DCP1A: variants seen among roughly 807,000 people sequenced by gnomAD.
DCP1A encodes the protein decapping mRNA 1A, also known as mRNA-decapping enzyme 1A.
In DCP1A, 20 loss-of-function variants were observed where a neutral mutation model predicts 58.0. The observed-to-expected ratio is 0.34, with a 90% CI of 0.24 to 0.50. The LOEUF is 0.50. Ranked by LOEUF, DCP1A falls within the 20% of genes least tolerant of loss-of-function variation. DCP1A has a pLI of 0.98. For synonymous variants in DCP1A, 285 were observed against 275.1 expected (o/e 1.04, Z -0.36); for missense variants, 613 against 712.2 (o/e 0.86, Z 1.59).
In DCP1A at chr3:53,292,505, G is replaced by A. The variant is rs782478458; in HGVS notation, c.947C>T (p.Pro316Leu). Residue 316 changes from proline to leucine, a missense_variant, in exon 7 of 10, where the codon CCT becomes CTT. Pro to Leu is a moderately conservative substitution (Grantham distance 98). This residue lies in a region of DCP1A where 498 missense variants were observed against 556.7 expected (regional missense o/e 0.89). Coordinates refer to ENST00000610213, the MANE Select transcript of DCP1A (RefSeq NM_018403.7). The part of the protein sequence containing the change: ...HAPTYTIPLS[P>L]VLSPTLPAEA... ...AGCTGGCAGAGTGGGACTGAGAACA[G>A]GGCTCAACGGGATTGTGTAGGTTGG... 1 of 1,613,894 alleles carries A rather than the reference G, an allele frequency of 6.2e-7. No homozygotes were observed. The highest frequency in any genetic ancestry group is 1.3e-5 in the African/African-American group (1 of 74,928).
intron 6 of DCP1A, among the ~76,000 whole-genome samples, chr3:53,294,605 AT>A (rs1707052293): frequency 6.6e-6 from 1 of 152,232 alleles, no homozygotes; most frequent in South Asian, 2.1e-4. Context: ...GAGCAAAGGC[AT>A]CCCCTCAGGA....
At chr3:53,343,040 A>T (rs948141518) in intron 2 of DCP1A, among the ~76,000 whole-genome samples, 8 of 152,356 alleles carry the variant, frequency 5.3e-5, no homozygotes, top group African/African-American at 1.7e-4. Context: ...CTTGGTTCCC[A>T]TATCAGAGGG....
intron 4 of DCP1A, among the ~76,000 whole-genome samples, chr3:53,317,223 T>TGGCGCGATCTTGGCTC (rs1465872860): frequency 6.6e-6 from 1 of 152,128 alleles, no homozygotes; most frequent in Non-Finnish European, 1.5e-5. Flanking sequence ...TGGAATGCAA[T>TGGCGCGATCTTGGCTC]GGCGCGATCT....
chr3:53,316,416 C>G (rs1187464858), intron 4 of DCP1A, among the ~76,000 whole-genome samples: 1 of 151,958 alleles, frequency 6.6e-6, no homozygotes, highest in Non-Finnish European at 1.5e-5. Flanking sequence ...AACAGTTTCA[C>G]CAGGGTATTC....
chr3:53,346,278 G>A (rs994275151), intron 1 of DCP1A, among the ~76,000 whole-genome samples: 1 of 152,136 alleles, frequency 6.6e-6, no homozygotes, highest in Admixed American at 6.5e-5. Flanking sequence ...AGGAGGCAAA[G>A]ATAAACAACG....
At chr3:53,347,278 C>T (rs1553693242) in intron 1 of DCP1A, 105 bp downstream of exon 1, 5 of 1,327,974 alleles carry the variant, frequency 3.8e-6, no homozygotes, top group East Asian at 5.9e-5. Context: ...TCGTCTCCAC[C>T]GCCCTGGCCT....
intron 3 of DCP1A, among the ~76,000 whole-genome samples, chr3:53,324,299 GCT>G (rs1708051746): frequency 6.6e-6 from 1 of 152,190 alleles, no homozygotes; most frequent in Non-Finnish European, 1.5e-5. Context: ...CCAAGAATCA[GCT>G]CTGTCTGCCA....
Position 53,292,125 on chromosome 3 carries a change from C to G in DCP1A, c.1327G>C (p.Ala443Pro). 6.2e-7 allele frequency: 1 copy of G among 1,613,910 alleles called. No homozygotes were observed. The highest frequency in any genetic ancestry group is 8.5e-7 in the Non-Finnish European group (1 of 1,179,888). Residue 443 changes from alanine (A) to proline (P), a missense_variant, in exon 7 of 10, where the codon GCA (alanine) becomes CCA (proline). Around this residue, in one of 3 missense-constraint regions of DCP1A, gnomAD observed 498 missense variants for 556.7 expected, o/e 0.89. Transcript: ENST00000610213. ...SFIEPPSKTA[A>P]ARVAASASLS... ...GAGGCTGAGGCCGCCACTCTTGCTGCTGCTGTCTTAGAGGGAGGCTCTATG... is the reference window on the plus strand; with the variant it reads ...GAGGCTGAGGCCGCCACTCTTGCTGGTGCTGTCTTAGAGGGAGGCTCTATG...
intron 6 of DCP1A, among the ~76,000 whole-genome samples, chr3:53,294,853 A>G (rs7643417): frequency 0.41 from 63,009 of 152,080 alleles, 13,443 homozygotes; most frequent in South Asian, 0.48. Context: ...TGGAAAGCGA[A>G]TTTGCCAAGG....
In DCP1A at chr3:53,285,942, TA is replaced by T. The variant is rs1266643651; in HGVS notation, c.*1637del. 6 of 152,212 alleles carry T rather than the reference TA, an allele frequency of 3.9e-5. No homozygotes were observed. Among genetic ancestry groups the T allele is most frequent in the Non-Finnish European group, 8.8e-5 (6 of 68,034 alleles). The allele number at this position is 152,212 out of a possible 1,614,324, so 9.4% of individuals were successfully genotyped here. The stretch of plus-strand genomic sequence containing the variant: ...ATTCACAATTGAGCATGAAAACTTA[TA>T]AGCTTCCCTGAATTCTGCACAATTC... On this transcript the variant is annotated 3_prime_UTR_variant, in exon 10 of 10. Coordinates refer to ENST00000610213, the MANE Select transcript of DCP1A (RefSeq NM_018403.7).
chr3:53,304,244 C>T lies in DCP1A; in HGVS notation c.557G>A (p.Ser186Asn), dbSNP rs1707398147. 2 of 1,613,644 alleles carry T rather than the reference C, an allele frequency of 1.2e-6. No individual in the cohort carries two copies. Among genetic ancestry groups the T allele is most frequent in the African/African-American group, 2.7e-5 (2 of 74,868 alleles). Residue 186 changes from serine (S) to asparagine (N), a missense_variant, in exon 6 of 10, where the codon AGC becomes AAC. Physicochemically the swap from Ser to Asn is conservative, Grantham distance 46 (BLOSUM62 1). This residue lies in a region of DCP1A where 498 missense variants were observed against 556.7 expected (regional missense o/e 0.89). Transcript: ENST00000610213. ...SNISSPGLQP[S>N]TQLSNLGSTE... ...GCTTCCCAGATTGGAGAGCTGAGTGCTTGGCTGTAACCCAGGGCTGGAGAT... is the reference window on the plus strand; with the variant it reads ...GCTTCCCAGATTGGAGAGCTGAGTGTTTGGCTGTAACCCAGGGCTGGAGAT...
intron 6 of DCP1A, among the ~76,000 whole-genome samples, chr3:53,296,144 C>T (rs1025486826): frequency 3.9e-5 from 6 of 152,124 alleles, no homozygotes; most frequent in Non-Finnish European, 7.4e-5. Context: ...ATCTGCGTGC[C>T]GCGGCCTCCC....
intron 6 of DCP1A, among the ~76,000 whole-genome samples, chr3:53,300,049 G>A (rs1198581732): frequency 2.6e-5 from 4 of 152,036 alleles, no homozygotes; most frequent in African/African-American, 9.7e-5. Flanking sequence ...TGTATTTTTA[G>A]TAGAGACAGG....
intron 3 of DCP1A, among the ~76,000 whole-genome samples, chr3:53,332,050 T>C (rs1266038250): frequency 2.0e-5 from 3 of 152,234 alleles, no homozygotes; most frequent in Non-Finnish European, 2.9e-5. Flanking sequence ...GGAGGTATGC[T>C]GCTCACCACC....
Position 53,286,588 on chromosome 3 carries a change from T to G in DCP1A, c.*992A>C, listed in dbSNP as rs1159368818. 3 of 152,222 alleles carry G rather than the reference T, an allele frequency of 2.0e-5. No homozygotes were observed. Among genetic ancestry groups the G allele is most frequent in the Admixed American group, 1.3e-4 (2 of 15,282 alleles). The allele number at this position is 152,222 out of a possible 1,614,324, so 9.4% of individuals were successfully genotyped here. A position where few individuals can be genotyped will look rare whatever the true frequency, so the allele number is the denominator to read the frequency against. On this transcript the variant is annotated 3_prime_UTR_variant, in exon 10 of 10. Coordinates refer to ENST00000610213, the MANE Select transcript of DCP1A (RefSeq NM_018403.7). The stretch of plus-strand genomic sequence containing the variant: ...GGAATCACATTTTCTTTTAACTCCA[T>G]AATTCTACAACAAAATAAGGGCAGT...
chr3:53,312,286 G>A lies in DCP1A; in HGVS notation c.465C>T (p.Ile155=), dbSNP rs782175626. ...CTCTGCTCAGCATCTCCAGGATGTC[G>A]ATGGGCCTGTGGTCGCTGCAGCCAT... ...QANGCSDHRP[I]DILEMLSRAK... The change falls in exon 5 of 10, where the codon ATC becomes ATT. Residue 155 remains isoleucine, a synonymous_variant. Coordinates refer to ENST00000610213, the MANE Select transcript of DCP1A (RefSeq NM_018403.7). The A allele has an allele frequency of 4.3e-6, 7 of 1,613,002 alleles. No individual in the cohort carries two copies. Among genetic ancestry groups the A allele is most frequent in the East Asian group, 2.2e-5 (1 of 44,846 alleles).
intron 8 of DCP1A, among the ~76,000 whole-genome samples, chr3:53,290,126 A>T (rs1553685757): frequency 1.3e-5 from 2 of 152,132 alleles, no homozygotes; most frequent in African/African-American, 4.8e-5. Flanking sequence ...GGAAAACAGA[A>T]ATGACTTTAG....
chr3:53,330,801 C>T (rs2088981362), intron 3 of DCP1A, among the ~76,000 whole-genome samples: 1 of 147,470 alleles, frequency 6.8e-6, no homozygotes, highest in African/African-American at 2.5e-5. Flanking sequence ...CAAGGTAAAA[C>T]ACAATATATA....
At chr3:53,304,821 G>A (rs544939596) in intron 5 of DCP1A, among the ~76,000 whole-genome samples, 2 of 151,848 alleles carry the variant, frequency 1.3e-5, no homozygotes, top group East Asian at 3.9e-4. Flanking sequence ...CTGACCTTGT[G>A]ATCCATCCAC....
Sources: gnomAD v4.1 joint callset for allele counts (sites outside exome capture counted in the v4.1 genomes callset) on GRCh38, gnomAD v4.1.1 for gene constraint, gnomAD v4.1.1 regional missense constraint, MANE v1.5 for transcripts, NCBI Gene and HGNC (gene_info 2026-07-23, HGNC 2026-07-21) for gene names.